WWC2: variants seen among roughly 807,000 people sequenced by gnomAD.
The protein encoded by WWC2 is protein WWC2.
WWC2 carries 101 observed loss-of-function variants against 138.5 expected under a neutral mutation model. The ratio of observed to expected loss-of-function variants is 0.73; its 90% CI spans 0.62 to 0.86. The LOEUF (loss-of-function observed/expected upper bound fraction) is 0.86, where lower values mean the gene tolerates loss of function less well. Ranked by LOEUF, WWC2 falls within the 40% of genes least tolerant of loss-of-function variation. The pLI is 0.00. For synonymous variants in WWC2, 558 were observed against 538.4 expected, an observed-to-expected ratio of 1.04 and a Z score of -0.50; for missense variants, 1,420 against 1,419.4, an observed-to-expected ratio of 1.00 and a Z score of -0.01.
At chr4:183,293,735 G>A (rs902692681) in intron 21 of WWC2, among the ~76,000 whole-genome samples, 1 of 152,200 alleles carries the variant, frequency 6.6e-6, no homozygotes, top group Non-Finnish European at 1.5e-5. Context: ...GTTTAGCAAG[G>A]TGGGTGAATA....
chr4:183,208,159 A>T lies in WWC2; in HGVS notation c.445+3A>T. 2 of 1,613,414 alleles carry T rather than the reference A, an allele frequency of 1.2e-6. No individual in the cohort carries two copies. Among genetic ancestry groups the T allele is most frequent in the Non-Finnish European group, 1.7e-6 (2 of 1,179,610 alleles). On this transcript the variant is annotated splice_donor_region_variant and intron_variant, in intron 3 of 22. Transcript: ENST00000403733. ...AAAGTCAAGTTCTCACACAAGCTGT[A>T]AGTACAGTGTGGCTATTCAGACTTT...
intron 21 of WWC2, among the ~76,000 whole-genome samples, chr4:183,291,573 A>G (rs1553978052): frequency 6.6e-6 from 1 of 152,206 alleles, no homozygotes; most frequent in Non-Finnish European, 1.5e-5. Context: ...AGCCTTCCAA[A>G]GCTGAATTGG....
At chr4:183,124,936 T>C (rs1732715668) in intron 1 of WWC2, among the ~76,000 whole-genome samples, 1 of 152,106 alleles carries the variant, frequency 6.6e-6, no homozygotes, top group Non-Finnish European at 1.5e-5. Flanking sequence ...AGCGTGGAAA[T>C]GATTAAACAC....
At chr4:183,171,190 A>G (rs1162931590) in intron 1 of WWC2, among the ~76,000 whole-genome samples, 7 of 152,188 alleles carry the variant, frequency 4.6e-5, no homozygotes, top group African/African-American at 1.7e-4. Context: ...AGTCTTTCCA[A>G]TTAGCCTCAT....
chr4:183,265,834 TC>T, intron 13 of WWC2, 30 bp from the exon 14 acceptor site: 2 of 1,610,324 alleles, frequency 1.2e-6, no homozygotes, highest in African/African-American at 2.7e-5. Context: ...CTGTGGTGAT[TC>T]CTGACTTCAT....
chr4:183,262,772 G>C (rs565787754), intron 11 of WWC2, among the ~76,000 whole-genome samples: 12 of 151,990 alleles, frequency 7.9e-5, no homozygotes, highest in African/African-American at 2.9e-4. Context: ...GGAGTACGGT[G>C]TGTGTGCGTG....
At chr4:183,290,225 G>C (rs1191209668) in intron 21 of WWC2, among the ~76,000 whole-genome samples, 2 of 152,126 alleles carry the variant, frequency 1.3e-5, no homozygotes, top group African/African-American at 4.8e-5. Context: ...TTAAAAAATA[G>C]AGTATTTTTG....
chr4:183,296,761 CT>C (rs1553979297), intron 21 of WWC2, among the ~76,000 whole-genome samples: 1 of 151,550 alleles, frequency 6.6e-6, no homozygotes, highest in Non-Finnish European at 1.5e-5. Flanking sequence ...GTGAAACCCC[CT>C]CTCTACTAAA....
chr4:183,103,402 C>CG (rs1561415177), intron 1 of WWC2, among the ~76,000 whole-genome samples: 2 of 147,598 alleles, frequency 1.4e-5, no homozygotes. Flanking sequence ...GACGTGATCT[C>CG]GGCTTACTGC....
chr4:183,276,470 C>T (rs1737859213), intron 16 of WWC2, among the ~76,000 whole-genome samples: 1 of 151,250 alleles, frequency 6.6e-6, no homozygotes, highest in African/African-American at 2.4e-5. Context: ...TTGCAGTTTC[C>T]CTGGAGATTA....
At position 183,319,423 on chromosome 4, in the gene WWC2, A is replaced by C; in HGVS notation, c.*3694A>C. 1.0e-6 allele frequency: 1 copy of C among 982,128 alleles called. No individual in the cohort carries two copies. The allele number at this position is 982,128 out of a possible 1,614,324, so 60.8% of individuals were successfully genotyped here. Reference sequence around the variant, plus strand: ...GGTTTACCAGTCTTGGAAAGAAACTATAGTTTAATAGCCACAGGAAAAGAT... The same window carrying C: ...GGTTTACCAGTCTTGGAAAGAAACTCTAGTTTAATAGCCACAGGAAAAGAT... On this transcript the variant is annotated 3_prime_UTR_variant, in exon 23 of 23. Coordinates refer to ENST00000403733, the MANE Select transcript of WWC2 (RefSeq NM_024949.6).
intron 14 of WWC2, among the ~76,000 whole-genome samples, chr4:183,266,998 G>A (rs1737523754): frequency 6.6e-6 from 1 of 151,746 alleles, no homozygotes; most frequent in Non-Finnish European, 1.5e-5. Context: ...TAGAAATTAT[G>A]TAGTTGACAA....
At chr4:183,169,415 C>A (rs187690797) in intron 1 of WWC2, among the ~76,000 whole-genome samples, 1 of 142,684 alleles carries the variant, frequency 7.0e-6, no homozygotes, top group Non-Finnish European at 1.5e-5. Flanking sequence ...AGCTGTAACA[C>A]GGACTCAAAG....
chr4:183,134,938 T>A (rs561103228), intron 1 of WWC2, among the ~76,000 whole-genome samples: 56 of 151,034 alleles, frequency 3.7e-4, no homozygotes, highest in South Asian at 8.3e-4. Flanking sequence ...CTTTATTTTT[T>A]TTTTTTTAAA....
chr4:183,301,660 A>G (rs538307053), intron 21 of WWC2, among the ~76,000 whole-genome samples: 3 of 152,356 alleles, frequency 2.0e-5, no homozygotes, highest in East Asian at 3.9e-4. Context: ...GTGCCACAGT[A>G]TTTTTATTTG....
At chr4:183,114,917 G>A (rs899552435) in intron 1 of WWC2, among the ~76,000 whole-genome samples, 25 of 152,230 alleles carry the variant, frequency 1.6e-4, no homozygotes, top group Admixed American at 1.3e-3. Context: ...TGCCTCCCGG[G>A]TTCAAGCGAT....
chr4:183,166,895 C>G (rs978284410), intron 1 of WWC2, among the ~76,000 whole-genome samples: 6 of 152,300 alleles, frequency 3.9e-5, no homozygotes, highest in Admixed American at 3.3e-4. Context: ...TGAAACAATG[C>G]TCTTCTTGAA....
chr4:183,207,228 T>C (rs1209279764), intron 2 of WWC2, among the ~76,000 whole-genome samples: 1 of 151,880 alleles, frequency 6.6e-6, no homozygotes, highest in Non-Finnish European at 1.5e-5. Context: ...TTGATTGTAG[T>C]TTGTGGAAGT....
At chr4:183,175,298 G>A (rs1011440271) in intron 1 of WWC2, among the ~76,000 whole-genome samples, 1 of 152,020 alleles carries the variant, frequency 6.6e-6, no homozygotes, top group Non-Finnish European at 1.5e-5. Flanking sequence ...CAGTGTCTCT[G>A]TTGCCCAGGC....
Sources: gnomAD v4.1 joint callset for allele counts (sites outside exome capture counted in the v4.1 genomes callset) on GRCh38, gnomAD v4.1.1 for gene constraint, MANE v1.5 for transcripts, NCBI Gene and HGNC (gene_info 2026-07-23, HGNC 2026-07-21) for gene names.